NBPF20: variants seen among roughly 807,000 people sequenced by gnomAD.
The protein encoded by NBPF20 is NBPF member 20, also known as NBPF family member NBPF20.
In NBPF20, 90 loss-of-function variants were observed where a neutral mutation model predicts 68.1. The ratio of observed to expected loss-of-function variants is 1.32; its 90% CI spans 1.11 to 1.58. The LOEUF is 1.58. Among genes scored for constraint, NBPF20 ranks in the 40% most tolerant of loss-of-function variants. The pLI is 0.00. For synonymous variants in NBPF20, 290 were observed against 228.1 expected (o/e 1.27, Z -2.45); for missense variants, 816 against 601.2 (o/e 1.36, Z -3.74).
At chr1:145,291,577 C>G in exon 138 of NBPF20, 5 of 1,611,946 alleles carry the variant, frequency 3.1e-6, no homozygotes, top group South Asian at 1.1e-5. Context: ...GACTTGTCAC[C>G]GTCAAAGTAA....
At chr1:145,314,253 G>C (rs1382782401) in intron 109 of NBPF20, among the ~76,000 whole-genome samples, 459 of 135,958 alleles carry the variant, frequency 3.4e-3, no homozygotes, top group Middle Eastern at 0.012. Context: ...CACACACACA[G>C]ACACACACAC....
At chr1:145,417,749 G>A in the NBPF20 span, among the ~76,000 whole-genome samples, 3 of 145,670 alleles carry the variant, frequency 2.1e-5, no homozygotes, top group South Asian at 6.6e-4. Flanking sequence ...TTAAAACAAC[G>A]AGATATCACT....
At chr1:145,312,185 C>T in intron 112 of NBPF20, 23 bp downstream of exon 117, 1 of 147,074 alleles carries the variant, frequency 6.8e-6, no homozygotes, top group Non-Finnish European at 1.1e-5. Flanking sequence ...GGATCCTTAT[C>T]ACCTTCATAG....
chr1:145,405,038 GT>G, intron 2 of NBPF20, 59 bp downstream of exon 7: 2 of 1,610,220 alleles, frequency 1.2e-6, no homozygotes, highest in South Asian at 2.2e-5. Flanking sequence ...AGAGCATTTA[GT>G]GTCTCAGAAG....
At chr1:145,291,393 A>C (rs2101382445) in exon 138 of NBPF20, 3 of 1,580,936 alleles carry the variant, frequency 1.9e-6, no homozygotes, top group Non-Finnish European at 2.6e-6. Flanking sequence ...TGGTTTGAGA[A>C]TAGGAATACA....
intron 3 of NBPF20, among the ~76,000 whole-genome samples, chr1:145,402,832 A>G (rs1662588695): frequency 1.3e-5 from 2 of 150,806 alleles, no homozygotes; most frequent in African/African-American, 4.9e-5. Context: ...GGCAACATTG[A>G]TTGAGTGAAA....
At chr1:145,415,864 C>A in the NBPF20 span, among the ~76,000 whole-genome samples, 1 of 149,470 alleles carries the variant, frequency 6.7e-6, no homozygotes, top group South Asian at 2.2e-4. Flanking sequence ...CAGGCCGTGG[C>A]TCGTGTCTGT....
chr1:145,416,939 T>A, the NBPF20 span, among the ~76,000 whole-genome samples: 2 of 149,616 alleles, frequency 1.3e-5, no homozygotes, highest in African/African-American at 2.4e-5. Context: ...CATTAAAAAC[T>A]CCTTGAAGAC....
At chr1:145,411,829 C>A in the NBPF20 span, among the ~76,000 whole-genome samples, 2 of 34,804 alleles carry the variant, frequency 5.7e-5, 1 homozygote, top group Admixed American at 4.6e-4. Flanking sequence ...TACAGCCTCG[C>A]TCAATTATGG....
exon 74 of NBPF20, chr1:145,342,524 T>G: frequency 6.9e-6 from 1 of 144,388 alleles, no homozygotes; most frequent in Non-Finnish European, 1.1e-5. Context: ...CTGCAAGACT[T>G]CAGGCTCTAC....
At chr1:145,296,116 G>C in intron 132 of NBPF20, 1 of 55,562 alleles carries the variant, frequency 1.8e-5, no homozygotes, top group South Asian at 2.1e-4. Flanking sequence ...GGATTAGGGC[G>C]CCACAGGCAT....
chr1:145,403,378 G>C (rs1260588649), intron 2 of NBPF20, 60 bp from the exon 8 acceptor site: 6 of 1,377,662 alleles, frequency 4.4e-6, no homozygotes, highest in Non-Finnish European at 6.2e-6. Context: ...TGTGGTCATT[G>C]CCTACAGGGC....
At chr1:145,424,349 T>C in the NBPF20 span, among the ~76,000 whole-genome samples, 47 of 151,952 alleles carry the variant, frequency 3.1e-4, no homozygotes, top group Non-Finnish European at 7.4e-5. Flanking sequence ...GACACAAAGT[T>C]CTCAGAAATC....
exon 9 of NBPF20, chr1:145,393,885 T>G (rs1341290065): frequency 5.1e-5 from 79 of 1,544,760 alleles, no homozygotes; most frequent in Middle Eastern, 1.9e-4. Flanking sequence ...CAGACTCACC[T>G]GGGACCTGTT....
chr1:145,397,780 A>C (rs1467625945), intron 7 of NBPF20, among the ~76,000 whole-genome samples: 2 of 152,350 alleles, frequency 1.3e-5, no homozygotes, highest in Admixed American at 1.3e-4. Context: ...GTTAAAAAAC[A>C]CAGAATGGCA....
chr1:145,417,694 T>C, the NBPF20 span, among the ~76,000 whole-genome samples: 1 of 133,456 alleles, frequency 7.5e-6, no homozygotes, highest in Admixed American at 7.5e-5. Context: ...CAAATAAGCA[T>C]ATGAGAAAGA....
chr1:145,408,480 T>C (rs1662895746), upstream of NBPF20, among the ~76,000 whole-genome samples: 1 of 152,096 alleles, frequency 6.6e-6, no homozygotes, highest in Non-Finnish European at 1.5e-5. Flanking sequence ...TTTGATATAT[T>C]TATGAATACT....
Position 145,342,821 on chromosome 1 carries a change from C to T in NBPF20, c.8814-262G>A, listed in dbSNP as rs1414865599. 5.4e-4 allele frequency among the ~76,000 whole-genome samples: 55 copies of T among 101,418 alleles called. 2 individuals are homozygous for T. Among genetic ancestry groups the T allele is most frequent in the African/African-American group, 1.2e-3 (29 of 24,032 alleles). 66.5% of individuals were successfully genotyped at this position (101,418 alleles called of 152,430 possible). The stretch of plus-strand genomic sequence containing the variant: ...GACACACACACACACACAGAGAGAA[C>T]GAGCTCAGTGAATTGTCCAGGTGAC... On this transcript the variant is annotated intron_variant, in intron 73 of 137. Transcript: ENST00000369373.
At chr1:145,372,365 A>G (rs1661764254) in intron 36 of NBPF20, 147 bp downstream of exon 41, 1 of 206,516 alleles carries the variant, frequency 4.8e-6, no homozygotes, top group Non-Finnish European at 8.5e-6. Context: ...AACTGAGACT[A>G]CAGTTTCATT....
Sources: gnomAD v4.1 joint callset for allele counts (sites outside exome capture counted in the v4.1 genomes callset) on GRCh38, gnomAD v4.1.1 for gene constraint, MANE v1.5 for transcripts, NCBI Gene and HGNC (gene_info 2026-07-23, HGNC 2026-07-21) for gene names.